The following SMURF2 variants were observed in gnomAD, a reference collection of about 807,000 sequenced individuals.
The protein encoded by SMURF2 is SMAD specific E3 ubiquitin protein ligase 2.
Under a neutral mutation model 109.6 loss-of-function variants are expected in SMURF2, and 48 were observed. The ratio of observed to expected loss-of-function variants is 0.44; its 90% confidence interval spans 0.35 to 0.56. The LOEUF (loss-of-function observed/expected upper bound fraction) is 0.56. Ranked by LOEUF, SMURF2 falls within the 20% of genes least tolerant of loss-of-function variation. The pLI is 0.01. For missense variants in SMURF2, 575 were observed against 909.0 expected, an observed-to-expected ratio of 0.63 and a Z score of 4.72; for synonymous variants, 288 against 317.1, an observed-to-expected ratio of 0.91 and a Z score of 0.97.
At chr17:64,617,626 CAG>C (rs1970143826) in intron 1 of SMURF2, among the ~76,000 whole-genome samples, 1 of 152,146 alleles carries the variant, frequency 6.6e-6, no homozygotes, top group Admixed American at 6.6e-5. Context: ...CCTGGGACTA[CAG>C]GCGCACACCA....
intron 1 of SMURF2, among the ~76,000 whole-genome samples, chr17:64,632,987 G>A (rs1970370118): frequency 6.6e-6 from 1 of 152,176 alleles, no homozygotes; most frequent in Non-Finnish European, 1.5e-5. Flanking sequence ...ACAGAAGGTA[G>A]AGGCTGCATG....
chr17:64,603,864 C>T (rs1969933137), intron 2 of SMURF2, among the ~76,000 whole-genome samples: 1 of 152,118 alleles, frequency 6.6e-6, no homozygotes, highest in South Asian at 2.1e-4. Context: ...CAAAAGACAA[C>T]ACATGGCAGT....
chr17:64,554,848 G>A lies in SMURF2; in HGVS notation c.1748+8C>T, dbSNP rs973078000. 1.9e-6 allele frequency: 3 copies of A among 1,612,538 alleles called. No individual in the cohort carries two copies. The highest frequency in any genetic ancestry group is 2.5e-6 in the Non-Finnish European group (3 of 1,179,318). ...AAAATTCAGCCTTGAGAACACAGGA[G>A]TGTTTACCTGACATATTCTTTTTTA... On this transcript the variant is annotated splice_region_variant and intron_variant, in intron 15 of 18. Transcript: ENST00000262435.
intron 1 of SMURF2, among the ~76,000 whole-genome samples, chr17:64,653,207 A>T (rs1479958959): frequency 3.3e-5 from 5 of 152,184 alleles, no homozygotes; most frequent in African/African-American, 1.2e-4. Context: ...AAAACTCAAT[A>T]AGAAAACAAT....
At chr17:64,655,252 C>CTTT (rs749497302) in intron 1 of SMURF2, among the ~76,000 whole-genome samples, 17 of 85,902 alleles carry the variant, frequency 2.0e-4, no homozygotes, top group South Asian at 3.8e-4. Flanking sequence ...AATGAAATGT[C>CTTT]TTTTTTTTTT....
chr17:64,567,472 T>C (rs1419554615), intron 10 of SMURF2, among the ~76,000 whole-genome samples: 1 of 152,224 alleles, frequency 6.6e-6, no homozygotes, highest in Non-Finnish European at 1.5e-5. Context: ...CATTCAGTTA[T>C]TTAATACAAC....
At chr17:64,630,983 T>C (rs1258386463) in intron 1 of SMURF2, among the ~76,000 whole-genome samples, 1 of 151,750 alleles carries the variant, frequency 6.6e-6, no homozygotes, top group Admixed American at 6.6e-5. Context: ...ATAAGAGTAG[T>C]GGGCAAAGGC....
At chr17:64,650,220 T>TTTTA (rs1555693355) in intron 1 of SMURF2, among the ~76,000 whole-genome samples, 1 of 151,130 alleles carries the variant, frequency 6.6e-6, no homozygotes, top group African/African-American at 2.4e-5. Context: ...TTTTTTTTTT[T>TTTTA]GAGACCATGT....
At chr17:64,661,763 C>T (rs1358204483) in intron 1 of SMURF2, 66 bp downstream of exon 1, 5 of 1,161,538 alleles carry the variant, frequency 4.3e-6, no homozygotes, top group Non-Finnish European at 5.4e-6. Flanking sequence ...TTCCCAAGGC[C>T]ACAGGCACCC....
chr17:64,576,191 C>CTA (rs1969487553), intron 9 of SMURF2, among the ~76,000 whole-genome samples: 1 of 151,346 alleles, frequency 6.6e-6, no homozygotes. Context: ...GACAGCAGAG[C>CTA]TAGATCCTGT....
chr17:64,662,107 AC>A lies in SMURF2; in HGVS notation c.-228del, dbSNP rs1305569399. On this transcript the variant is annotated 5_prime_UTR_variant, in exon 1 of 19. Transcript: ENST00000262435. ...CTCCTTCCTCGGCCCGGGCCGCACA[AC>A]AAAGCGGCAGCCGCGGCCGCCCGCG... The A allele has an allele frequency of 9.6e-7, 1 of 1,037,696 alleles. No homozygotes were observed. The highest frequency in any genetic ancestry group is 7.4e-5 in the East Asian group (1 of 13,546). 64.3% of individuals were successfully genotyped at this position (1,037,696 alleles called of 1,614,324 possible).
chr17:64,638,273 C>T (rs1555692288), intron 1 of SMURF2, among the ~76,000 whole-genome samples: 1 of 152,026 alleles, frequency 6.6e-6, no homozygotes, highest in African/African-American at 2.4e-5. Flanking sequence ...ACCATGGTGG[C>T]CAGGCTGGTC....
chr17:64,571,947 G>C lies in SMURF2; in HGVS notation c.867C>G (p.Ser289Arg). The C allele has an allele frequency of 6.2e-7, 1 of 1,604,500 alleles. No homozygotes were observed. The highest frequency in any genetic ancestry group is 8.5e-7 in the Non-Finnish European group (1 of 1,176,692). Residue 289 changes from serine to arginine, a missense_variant, in exon 10 of 19, where the codon AGC becomes AGG. By Grantham distance (110) the Ser-to-Arg change is moderately radical (BLOSUM62 -1). Transcript: ENST00000262435. ...WHDPRVPRDL[S>R]NINCEELGPL... ...GACCAAGCTCTTCACAATTGATGTT[G>C]CTAAGATCCCTGCAAAAACAAATAT...
chr17:64,568,174 G>A (rs1969343150), intron 10 of SMURF2, among the ~76,000 whole-genome samples: 1 of 151,994 alleles, frequency 6.6e-6, no homozygotes, highest in South Asian at 2.1e-4. Flanking sequence ...ATTTTTAGTA[G>A]AGACGGGGTT....
At chr17:64,653,623 T>C (rs1970667337) in intron 1 of SMURF2, among the ~76,000 whole-genome samples, 1 of 152,134 alleles carries the variant, frequency 6.6e-6, no homozygotes. Context: ...AATTTCTGTA[T>C]TTTTTGTAGA....
At chr17:64,633,940 T>C (rs979308053) in intron 1 of SMURF2, among the ~76,000 whole-genome samples, 1 of 152,166 alleles carries the variant, frequency 6.6e-6, no homozygotes, top group Admixed American at 6.6e-5. Flanking sequence ...GCAGATCACC[T>C]GAGGTCAGGA....
At position 64,578,475 on chromosome 17, in the gene SMURF2, T is replaced by C; in HGVS notation, c.857+17A>G. 1 of 1,574,908 alleles carries C rather than the reference T, an allele frequency of 6.3e-7. No homozygotes were observed. The highest frequency in any genetic ancestry group is 8.7e-7 in the Non-Finnish European group (1 of 1,145,570). ...GGCTCTTTGATGGTCTAAAGAGTGC[T>C]TAAAATACGTTCTTACCTGGGCACT... On this transcript the variant is annotated intron_variant, in intron 9 of 18. Coordinates refer to ENST00000262435, the MANE Select transcript of SMURF2 (RefSeq NM_022739.4).
chr17:64,547,522 CAA>C lies in SMURF2; in HGVS notation c.2071+76_2071+77del, dbSNP rs1968975444. The C allele has an allele frequency of 8.0e-7, 1 of 1,253,122 alleles. No homozygotes were observed. The highest frequency in any genetic ancestry group is 1.2e-5 in the South Asian group (1 of 82,654). The allele number at this position is 1,253,122 out of a possible 1,614,324, so 77.6% of individuals were successfully genotyped here. ...AGAGAATCTCTAAGCACATGGTTTA[CAA>C]AATATCTCCACAGACCCCACGCTGA... On this transcript the variant is annotated intron_variant, in intron 17 of 18. Coordinates refer to ENST00000262435, the MANE Select transcript of SMURF2 (RefSeq NM_022739.4). The surrounding 1 kb of genome is among the most constrained non-coding windows in gnomAD (Gnocchi z 4.2).
chr17:64,580,865 T>C lies in SMURF2; in HGVS notation c.696A>G (p.Arg232=), dbSNP rs1969569402. 1 of 1,614,184 alleles carries C rather than the reference T, an allele frequency of 6.2e-7. No homozygotes were observed. Among genetic ancestry groups the C allele is most frequent in the Non-Finnish European group, 8.5e-7 (1 of 1,180,026 alleles). Residue 232 remains arginine (R), a synonymous_variant, in exon 8 of 19, where the codon AGA becomes AGG. Coordinates refer to ENST00000262435, the MANE Select transcript of SMURF2 (RefSeq NM_022739.4). ...AATTTCTATGTCGTTGTGACCTGAC[T>C]CTCCTCTCTGCCAGCCTGGGATCTG... The part of the protein sequence containing the change: ...QSSDPRLAER[R]VRSQRHRNYM...
Sources: allele counts gnomAD v4.1 joint callset (sites outside exome capture counted in the v4.1 genomes callset), GRCh38; gene constraint gnomAD v4.1.1; non-coding constraint Gnocchi (gnomAD v3.1); transcripts MANE v1.5; gene names NCBI Gene and HGNC (gene_info 2026-07-23, HGNC 2026-07-21).